The following AHDC1 variants were observed in gnomAD, a reference collection of about 807,000 sequenced individuals.
AHDC1 encodes transcription factor Gibbin.
AHDC1 carries 7 observed loss-of-function variants against 87.9 expected under a neutral mutation model. The ratio of observed to expected loss-of-function variants is 0.08; its 90% CI spans 0.05 to 0.15. The LOEUF is 0.15. Ranked by LOEUF, AHDC1 falls within the 10% of genes least tolerant of loss-of-function variation. AHDC1 has a pLI of 1.00. For synonymous variants in AHDC1, 1,051 were observed against 1,006.8 expected, an observed-to-expected ratio of 1.04 and a Z score of -0.83; for missense variants, 1,841 against 2,253.2, an observed-to-expected ratio of 0.82 and a Z score of 3.70.
Position 27,549,068 on chromosome 1 carries a change from G to A in AHDC1, c.3048C>T (p.His1016=). Residue 1016 remains histidine, a synonymous_variant, in exon 8 of 9, where the codon CAC becomes CAT. Transcript: ENST00000673934. ...NSLPASPSSA[H]SAGYAPPPTG... ...TAGGCGGTGGGGCATAGCCGGCGCT[G>A]TGGGCGCTGCTGGGTGAGGCAGGGA... 1 of 1,567,178 alleles carries A rather than the reference G, an allele frequency of 6.4e-7. No homozygotes were observed. The highest frequency in any genetic ancestry group is 8.6e-7 in the Non-Finnish European group (1 of 1,156,318).
chr1:27,552,721 C>T (rs546458400), intron 7 of AHDC1, 171 bp downstream of exon 7: 1 of 152,600 alleles, frequency 6.6e-6, no homozygotes. Flanking sequence ...GACAGCTCAT[C>T]CCCTTTGGGA....
At chr1:27,538,735 G>A (rs143013077) in intron 8 of AHDC1, among the ~76,000 whole-genome samples, 5 of 152,076 alleles carry the variant, frequency 3.3e-5, no homozygotes, top group East Asian at 3.9e-4. Context: ...GGCTAGACTC[G>A]ACCTCCTGAA....
chr1:27,594,255 T>C (rs2089304971), intron 3 of AHDC1, among the ~76,000 whole-genome samples: 1 of 151,976 alleles, frequency 6.6e-6, no homozygotes, highest in Non-Finnish European at 1.5e-5. Context: ...TGGGGGGTAG[T>C]ATGTCAATCC....
At chr1:27,585,253 CAAAA>C (rs35143338) in intron 3 of AHDC1, among the ~76,000 whole-genome samples, 3 of 66,330 alleles carry the variant, frequency 4.5e-5, no homozygotes, top group Admixed American at 1.8e-4. Flanking sequence ...GACCCTGTCT[CAAAA>C]AAAAAAAAAA....
At chr1:27,569,398 C>T (rs1451209352) in intron 3 of AHDC1, among the ~76,000 whole-genome samples, 1 of 152,158 alleles carries the variant, frequency 6.6e-6, no homozygotes, top group Admixed American at 6.5e-5. Context: ...CTGCCTAAGA[C>T]AGGCAAGGAT....
Position 27,550,829 on chromosome 1 carries a change from G to T in AHDC1, c.1287C>A (p.Pro429=), listed in dbSNP as rs2019503645. Residue 429 remains proline, a synonymous_variant, in exon 8 of 9, where the codon CCC becomes CCA. Transcript: ENST00000673934. ...PTGLVAALAE[P]PPPPPPPPPA... is the part of the protein sequence containing the mutation. ...GGGGTGGAGGAGGCGGTGGTGGTGG[G>T]GGTTCGGCCAGGGCAGCCACCAGCC... 3.2e-6 allele frequency: 5 copies of T among 1,565,376 alleles called. No individual in the cohort carries two copies. Among genetic ancestry groups the T allele is most frequent in the African/African-American group, 1.4e-5 (1 of 73,916 alleles).
chr1:27,550,840 G>C lies in AHDC1; in HGVS notation c.1276C>G (p.Leu426Val), dbSNP rs974055162. 1 of 1,569,426 alleles carries C rather than the reference G, an allele frequency of 6.4e-7. No homozygotes were observed. The highest frequency in any genetic ancestry group is 1.4e-5 in the African/African-American group (1 of 74,070). Residue 426 changes from leucine to valine, a missense_variant, in exon 8 of 9, where the codon CTG (leucine) becomes GTG (valine). Leu to Val is a conservative substitution (Grantham distance 32). Around this residue, in one of 13 missense-constraint regions of AHDC1, gnomAD observed 370 missense variants for 391.5 expected, o/e 0.95. Transcript: ENST00000673934. ...LPMPTGLVAA[L>V]AEPPPPPPPP... ...GGCGGTGGTGGTGGGGGTTCGGCCA[G>C]GGCAGCCACCAGCCCCGTGGGCATA...
At chr1:27,594,822 G>C (rs2089322353) in intron 3 of AHDC1, among the ~76,000 whole-genome samples, 1 of 152,150 alleles carries the variant, frequency 6.6e-6, no homozygotes, top group Admixed American at 6.5e-5. Flanking sequence ...GATTAGGCGG[G>C]GTATGTGACA....
chr1:27,547,431 G>A lies in AHDC1; in HGVS notation c.4685C>T (p.Thr1562Ile), dbSNP rs1161776952. 1 of 1,584,844 alleles carries A rather than the reference G, an allele frequency of 6.3e-7. No homozygotes were observed. The highest frequency in any genetic ancestry group is 8.6e-7 in the Non-Finnish European group (1 of 1,160,406). Residue 1562 changes from threonine (T) to isoleucine (I), a missense_variant, in exon 8 of 9, where the codon ACC becomes ATC. By Grantham distance (89) the Thr-to-Ile change is moderately conservative (BLOSUM62 -1). Coordinates refer to ENST00000673934, the MANE Select transcript of AHDC1 (RefSeq NM_001371928.1). This position sits in a 1 kb window ranked among gnomAD's most constrained non-coding sequence, Gnocchi z 4.9. ...PRDSLLPLQD[T>I]AYRYPGFMPQ... is the part of the protein sequence containing the mutation. ...CATAAAGCCTGGGTACCTGTAGGCG[G>A]TGTCCTGCAGGGGCAGCAGCGAGTC...
intron 3 of AHDC1, among the ~76,000 whole-genome samples, chr1:27,571,529 G>T (rs897650911): frequency 6.6e-6 from 1 of 151,994 alleles, no homozygotes; most frequent in Non-Finnish European, 1.5e-5. Context: ...CTCCCCCCAG[G>T]CTCTGGAATC....
Position 27,603,209 on chromosome 1 carries a change from C to T in AHDC1, c.-629+188G>A, listed in dbSNP as rs1351314891. Among the ~76,000 whole-genome samples the T allele has an allele frequency of 2.7e-5, 4 of 148,922 alleles. No individual in the cohort carries two copies. The East Asian group carries it at 8.1e-4, about 30-fold the overall frequency. On this transcript the variant is annotated intron_variant, in intron 3 of 8. Coordinates refer to ENST00000673934, the MANE Select transcript of AHDC1 (RefSeq NM_001371928.1). ...CCCCTTCCCGGCGCTGCCTGCCAGGCTTCGAGCCGAGCCCAGCCGAGCCGC... is the reference window on the plus strand; with the variant it reads ...CCCCTTCCCGGCGCTGCCTGCCAGGTTTCGAGCCGAGCCCAGCCGAGCCGC...
intron 3 of AHDC1, among the ~76,000 whole-genome samples, chr1:27,602,662 G>C (rs1045119271): frequency 6.6e-6 from 1 of 152,194 alleles, no homozygotes; most frequent in African/African-American, 2.4e-5. Context: ...CCCTGGGGAA[G>C]AGGGGGCCGA....
chr1:27,538,807 A>G (rs72884687), intron 8 of AHDC1, among the ~76,000 whole-genome samples: 20,782 of 152,206 alleles, frequency 0.14, 2,142 homozygotes, highest in African/African-American at 0.28. Context: ...GAGCCACTGC[A>G]GCAGCCTGAG....
chr1:27,570,286 C>T (rs1384779277), intron 3 of AHDC1, among the ~76,000 whole-genome samples: 2 of 151,998 alleles, frequency 1.3e-5, no homozygotes, highest in African/African-American at 2.4e-5. Flanking sequence ...GTTGCAAACT[C>T]CCCCTTGAGC....
chr1:27,571,977 A>G (rs2088535346), intron 3 of AHDC1, among the ~76,000 whole-genome samples: 1 of 151,980 alleles, frequency 6.6e-6, no homozygotes, highest in African/African-American at 2.4e-5. Context: ...TCCAGCCCAC[A>G]CCGAAATCCC....
At chr1:27,599,403 C>G (rs2089470000) in intron 3 of AHDC1, among the ~76,000 whole-genome samples, 2 of 152,180 alleles carry the variant, frequency 1.3e-5, no homozygotes, top group African/African-American at 2.4e-5. Flanking sequence ...GCGCCTCCCC[C>G]TCCCCTGGGG....
chr1:27,546,109 C>T (rs186554447), intron 8 of AHDC1, among the ~76,000 whole-genome samples: 2 of 152,312 alleles, frequency 1.3e-5, no homozygotes, highest in African/African-American at 4.8e-5. Context: ...GGAAGAGAAA[C>T]TCCCAGGAAG....
intron 3 of AHDC1, among the ~76,000 whole-genome samples, chr1:27,596,573 T>C (rs1364464074): frequency 6.6e-6 from 1 of 152,060 alleles, no homozygotes; most frequent in East Asian, 1.9e-4. Flanking sequence ...TGGAAAACAC[T>C]GCTCCAATCC....
chr1:27,543,661 T>C (rs746769585), intron 8 of AHDC1, among the ~76,000 whole-genome samples: 2 of 152,144 alleles, frequency 1.3e-5, no homozygotes, highest in Non-Finnish European at 2.9e-5. Context: ...TTGTGGGGAC[T>C]GGGGCGGGTG....
Sources: gnomAD v4.1 joint callset for allele counts (sites outside exome capture counted in the v4.1 genomes callset) on GRCh38, gnomAD v4.1.1 for gene constraint, gnomAD v4.1.1 regional missense constraint, Gnocchi (gnomAD v3.1) non-coding constraint, MANE v1.5 for transcripts, NCBI Gene and HGNC (gene_info 2026-07-23, HGNC 2026-07-21) for gene names.